FBXO16: variants seen among roughly 807,000 people sequenced by gnomAD.
The protein encoded by FBXO16 is F-box only protein 16.
In FBXO16, 31 loss-of-function variants were observed where a neutral mutation model predicts 41.0. The ratio of observed to expected loss-of-function variants is 0.76; its 90% CI spans 0.57 to 1.02. The LOEUF is 1.02. Ranked by LOEUF, FBXO16 falls within the 50% of genes least tolerant of loss-of-function variation. The pLI is 0.00. For missense variants in FBXO16, 361 were observed against 346.2 expected (o/e 1.04, Z -0.34); for synonymous variants, 133 against 117.8 (o/e 1.13, Z -0.84).
intron 7 of FBXO16, among the ~76,000 whole-genome samples, chr8:28,433,251 T>C (rs1802637911): frequency 1.3e-5 from 2 of 152,232 alleles, no homozygotes; most frequent in South Asian, 2.1e-4. Flanking sequence ...TGTGCCGTTA[T>C]AGTGTCTTTA....
chr8:28,478,981 G>T (rs1409256917), intron 2 of FBXO16, among the ~76,000 whole-genome samples: 3 of 152,070 alleles, frequency 2.0e-5, no homozygotes, highest in Admixed American at 1.3e-4. Flanking sequence ...GTTTAAAAGT[G>T]TGTGGGACCT....
chr8:28,456,543 C>T (rs189023593), intron 5 of FBXO16: 23 of 481,690 alleles, frequency 4.8e-5, no homozygotes, highest in East Asian at 2.5e-4. Context: ...TCCTAACCGC[C>T]GGGATGCAAC....
intron 4 of FBXO16, among the ~76,000 whole-genome samples, chr8:28,462,959 T>C (rs918274366): frequency 3.3e-5 from 5 of 152,260 alleles, no homozygotes; most frequent in African/African-American, 1.2e-4. Context: ...GTCCTGCTGA[T>C]GAACCATTTC....
intron 2 of FBXO16, among the ~76,000 whole-genome samples, chr8:28,474,335 AAAAAAAAAAAAAAAAAAAG>A (rs1803387325): frequency 7.6e-6 from 1 of 132,260 alleles, no homozygotes; most frequent in Non-Finnish European, 1.6e-5. Context: ...AAAAAAAAAA[AAAAAAAAAAAAAAAAAAAG>A]AGAGAGAAAG....
At chr8:28,446,812 C>T (rs2130113410) in intron 7 of FBXO16, among the ~76,000 whole-genome samples, 1 of 152,144 alleles carries the variant, frequency 6.6e-6, no homozygotes, top group South Asian at 2.1e-4. Context: ...GCGGAGGTTG[C>T]AGTGAGTCGA....
At chr8:28,466,517 C>A (rs190280970) in intron 3 of FBXO16, among the ~76,000 whole-genome samples, 1 of 151,816 alleles carries the variant, frequency 6.6e-6, no homozygotes, top group Non-Finnish European at 1.5e-5. Flanking sequence ...TCTGGCCAGG[C>A]GCGGTGGCTC....
intron 5 of FBXO16, 69 bp from the exon 6 acceptor site, chr8:28,452,545 A>G (rs1369530349): frequency 4.7e-6 from 7 of 1,487,342 alleles, no homozygotes; most frequent in Non-Finnish European, 6.5e-6. Context: ...TCACGCCTGT[A>G]ATCCCAGCAC....
intron 3 of FBXO16, among the ~76,000 whole-genome samples, chr8:28,467,845 T>C (rs1271169450): frequency 1.3e-5 from 2 of 152,266 alleles, no homozygotes; most frequent in African/African-American, 4.8e-5. Flanking sequence ...TTTATTTCCC[T>C]GATTACAATG....
chr8:28,436,836 C>T (rs937361878), intron 7 of FBXO16, among the ~76,000 whole-genome samples: 4 of 152,190 alleles, frequency 2.6e-5, no homozygotes, highest in Non-Finnish European at 5.9e-5. Context: ...ACTGCAGCCT[C>T]GACCTCTCAG....
At chr8:28,473,681 T>C in intron 3 of FBXO16, 91 bp downstream of exon 3, 1 of 1,082,634 alleles carries the variant, frequency 9.2e-7, no homozygotes, top group South Asian at 1.4e-5. Flanking sequence ...CTGTTATTTA[T>C]AAGCCACCCA....
chr8:28,467,330 G>A (rs767888053), intron 3 of FBXO16, among the ~76,000 whole-genome samples: 1 of 152,036 alleles, frequency 6.6e-6, no homozygotes, highest in African/African-American at 2.4e-5. Context: ...GGTGGGCTTA[G>A]GAATAAGACA....
At chr8:28,431,508 T>G (rs1802605488) in intron 7 of FBXO16, among the ~76,000 whole-genome samples, 1 of 152,214 alleles carries the variant, frequency 6.6e-6, no homozygotes. Flanking sequence ...AGAAGTTTCT[T>G]CTATACCAAT....
chr8:28,466,520 G>A (rs556593956), intron 3 of FBXO16, among the ~76,000 whole-genome samples: 3 of 152,072 alleles, frequency 2.0e-5, no homozygotes, highest in Non-Finnish European at 4.4e-5. Context: ...GGCCAGGCGC[G>A]GTGGCTCACA....
At chr8:28,462,452 G>C (rs180849071) in intron 4 of FBXO16, among the ~76,000 whole-genome samples, 2,234 of 151,174 alleles carry the variant, frequency 0.015, 59 homozygotes, top group African/African-American at 0.049. Context: ...CTAATTTTTC[G>C]TATTTTTAGT....
chr8:28,489,525 CAAAAAA>C (rs3049787), intron 1 of FBXO16, among the ~76,000 whole-genome samples: 55 of 128,214 alleles, frequency 4.3e-4, no homozygotes, highest in South Asian at 1.0e-3. Flanking sequence ...CCTATCTCTA[CAAAAAA>C]AAAAAAAAAA....
At chr8:28,477,238 T>C (rs551391845) in intron 2 of FBXO16, among the ~76,000 whole-genome samples, 38 of 152,286 alleles carry the variant, frequency 2.5e-4, no homozygotes, top group African/African-American at 8.9e-4. Context: ...TACTACAGAA[T>C]AGAAGAAAGA....
chr8:28,469,774 A>G (rs574410174), intron 3 of FBXO16, among the ~76,000 whole-genome samples: 1 of 151,654 alleles, frequency 6.6e-6, no homozygotes, highest in Non-Finnish European at 1.5e-5. Context: ...GATGGCGCAC[A>G]CCTGTAATCC....
intron 4 of FBXO16, 134 bp downstream of exon 4, chr8:28,463,476 ATT>A: frequency 1.2e-6 from 1 of 813,540 alleles, no homozygotes; most frequent in Non-Finnish European, 1.9e-6. Flanking sequence ...CTAAGTGTAC[ATT>A]TGTGTGTGTT....
intron 1 of FBXO16, among the ~76,000 whole-genome samples, chr8:28,489,528 A>G: frequency 1.8e-4 from 1 of 5,406 alleles, no homozygotes; most frequent in African/African-American, 3.2e-4. Context: ...ATCTCTACAA[A>G]AAAAAAAAAA....
Sources: gnomAD v4.1 joint callset for allele counts (sites outside exome capture counted in the v4.1 genomes callset) on GRCh38, gnomAD v4.1.1 for gene constraint, MANE v1.5 for transcripts, NCBI Gene and HGNC (gene_info 2026-07-23, HGNC 2026-07-21) for gene names.